The following MRLN variants were observed in gnomAD, a reference collection of about 807,000 sequenced individuals.
MRLN encodes myoregulin, also known as Linc-RNA activator of myogenesis.
chr10:59,747,482 T>C (rs192993869), intron 1 of MRLN, among the ~76,000 whole-genome samples: 2 of 152,268 alleles, frequency 1.3e-5, no homozygotes, highest in South Asian at 2.1e-4. Flanking sequence ...TGATAGTGTC[T>C]ATTATTAATT....
chr10:59,740,657 T>C (rs1235732253), intron 1 of MRLN, among the ~76,000 whole-genome samples: 1 of 152,124 alleles, frequency 6.6e-6, no homozygotes, highest in East Asian at 1.9e-4. Flanking sequence ...ATACAATGTG[T>C]TTGTGCTTTA....
At chr10:59,739,504 C>T (rs1840958962) in intron 1 of MRLN, 2 of 151,934 alleles carry the variant, frequency 1.3e-5, no homozygotes, top group Non-Finnish European at 2.9e-5. Flanking sequence ...GTATTGTATA[C>T]AAAACAATGA....
chr10:59,740,491 T>C (rs1452974583), intron 1 of MRLN, among the ~76,000 whole-genome samples: 1 of 152,112 alleles, frequency 6.6e-6, no homozygotes, highest in Non-Finnish European at 1.5e-5. Context: ...TGGGACAAGA[T>C]GCCGACGTGG....
At chr10:59,740,315 C>T (rs1840968808) in intron 1 of MRLN, among the ~76,000 whole-genome samples, 1 of 152,026 alleles carries the variant, frequency 6.6e-6, no homozygotes, top group South Asian at 2.1e-4. Flanking sequence ...GTTGTATTGA[C>T]TATACTATAC....
At chr10:59,743,340 A>G (rs1841004848) in intron 1 of MRLN, among the ~76,000 whole-genome samples, 1 of 152,154 alleles carries the variant, frequency 6.6e-6, no homozygotes. Context: ...ATATATTTCA[A>G]AGTAATTTAT....
intron 1 of MRLN, among the ~76,000 whole-genome samples, chr10:59,748,422 T>A (rs1841064520): frequency 6.6e-6 from 1 of 152,222 alleles, no homozygotes; most frequent in Non-Finnish European, 1.5e-5. Context: ...TCTGAGAAAT[T>A]AACTTATCAA....
intron 2 of MRLN, among the ~76,000 whole-genome samples, chr10:59,737,648 CAAAAAAAA>C (rs60567923): frequency 8.0e-5 from 4 of 50,294 alleles, no homozygotes; most frequent in African/African-American, 2.4e-4. Flanking sequence ...AGGTACTGAT[CAAAAAAAA>C]AAAAAAAAAA....
At chr10:59,737,473 C>A (rs1453323292) in intron 2 of MRLN, among the ~76,000 whole-genome samples, 1 of 152,054 alleles carries the variant, frequency 6.6e-6, no homozygotes, top group Admixed American at 6.6e-5. Context: ...GCTCAAGGAA[C>A]TTTCATAGTG....
chr10:59,753,169 A>C (rs2132598495), intron 1 of MRLN, among the ~76,000 whole-genome samples, 185 bp downstream of exon 1: 1 of 152,352 alleles, frequency 6.6e-6, no homozygotes, highest in Non-Finnish European at 1.5e-5. Flanking sequence ...CCTTATAAAA[A>C]GCAGAGAGAT....
At chr10:59,739,923 C>T (rs1840963993) in intron 1 of MRLN, among the ~76,000 whole-genome samples, 2 of 152,080 alleles carry the variant, frequency 1.3e-5, no homozygotes, top group South Asian at 4.2e-4. Context: ...GACACCCTGT[C>T]TATACTAAAA....
chr10:59,744,339 T>A (rs1158641122), intron 1 of MRLN: 3 of 146,766 alleles, frequency 2.0e-5, no homozygotes, highest in African/African-American at 7.9e-5. Flanking sequence ...CTGAGGAGTG[T>A]CTCTGCCCCG....
intron 1 of MRLN, among the ~76,000 whole-genome samples, chr10:59,742,044 T>A (rs1219632593): frequency 6.6e-6 from 1 of 152,172 alleles, no homozygotes; most frequent in Admixed American, 6.5e-5. Context: ...TTAAAATGTT[T>A]AAATATGATT....
chr10:59,742,750 C>T (rs768688485), intron 1 of MRLN, among the ~76,000 whole-genome samples: 4 of 151,136 alleles, frequency 2.6e-5, no homozygotes, highest in Non-Finnish European at 4.4e-5. Context: ...TGCTTTCTTT[C>T]GAGAGTCTCA....
chr10:59,749,625 C>T (rs973408370), intron 1 of MRLN, among the ~76,000 whole-genome samples: 3 of 151,534 alleles, frequency 2.0e-5, no homozygotes, highest in Non-Finnish European at 4.4e-5. Flanking sequence ...ACCTGGCAGG[C>T]AGAGGTTGCA....
chr10:59,737,216 G>A lies in MRLN; in HGVS notation c.-16C>T, dbSNP rs777887177. ...TACCAGTCATATCCAGAATTATCCC[G>A]CTCCCTAGGAAAAAAGAGAAAAGTA... On this transcript the variant is annotated 5_prime_UTR_variant, in exon 3 of 3. Transcript: ENST00000414264. 8.6e-5 allele frequency: 34 copies of A among 395,690 alleles called. No individual in the cohort carries two copies. The highest frequency in any genetic ancestry group is 2.6e-4 in the South Asian group (2 of 7,790). The allele number at this position is 395,690 out of a possible 1,614,324, so 24.5% of individuals were successfully genotyped here.
At chr10:59,752,165 C>A (rs148730884) in intron 1 of MRLN, among the ~76,000 whole-genome samples, 2 of 152,148 alleles carry the variant, frequency 1.3e-5, no homozygotes, top group Non-Finnish European at 2.9e-5. Flanking sequence ...ATGGTTTACA[C>A]TATTCTAAAA....
intron 1 of MRLN, among the ~76,000 whole-genome samples, chr10:59,745,337 G>A (rs1443655174): frequency 6.6e-6 from 1 of 152,116 alleles, no homozygotes; most frequent in Non-Finnish European, 1.5e-5. Flanking sequence ...TACTGAATGT[G>A]TTTATCTCAG....
intron 1 of MRLN, among the ~76,000 whole-genome samples, chr10:59,751,418 T>C (rs1841101300): frequency 6.6e-6 from 1 of 151,960 alleles, no homozygotes; most frequent in Admixed American, 6.6e-5. Context: ...TTCCAGCACT[T>C]TGGGAGACCA....
intron 1 of MRLN, among the ~76,000 whole-genome samples, chr10:59,750,801 G>A (rs6479648): frequency 0.47 from 71,093 of 152,126 alleles, 17,124 homozygotes; most frequent in African/African-American, 0.57. Context: ...GAGCCCCAAC[G>A]CAGCGGTGCC....
Sources: gnomAD v4.1 joint callset for allele counts (sites outside exome capture counted in the v4.1 genomes callset) on GRCh38, gnomAD v4.1.1 for gene constraint, MANE v1.5 for transcripts, NCBI Gene and HGNC (gene_info 2026-07-23, HGNC 2026-07-21) for gene names.